LUM: variants seen among roughly 807,000 people sequenced by gnomAD.
LUM encodes the protein lumican, also known as KSPG lumican.
A neutral mutation model predicts 20.5 loss-of-function variants in LUM; 13 were observed. The observed-to-expected ratio is 0.63, with a 90% CI of 0.41 to 1.01. The LOEUF is 1.01. Among genes scored for constraint, LUM ranks in the 50% least tolerant of loss-of-function variants. The probability of loss-of-function intolerance (pLI) is 0.00; values close to 1 mark genes in which losing one functional copy is unlikely to be tolerated. For missense variants in LUM, 321 were observed against 391.1 expected (o/e 0.82, Z 1.51); for synonymous variants, 173 against 151.5 (o/e 1.14, Z -1.04).
chr12:91,104,690 A>G (rs1209681434), intron 2 of LUM, among the ~76,000 whole-genome samples: 1 of 152,184 alleles, frequency 6.6e-6, no homozygotes, highest in Non-Finnish European at 1.5e-5. Flanking sequence ...TGTATGAACA[A>G]TCTCAGTATA....
intron 2 of LUM, among the ~76,000 whole-genome samples, chr12:91,107,338 AAAGAAAGG>A (rs1880101254): frequency 1.4e-5 from 2 of 145,520 alleles, no homozygotes; most frequent in African/African-American, 2.5e-5. Context: ...AGAAAGAAAG[AAAGAAAGG>A]GAAAGAAAGG....
intron 2 of LUM, among the ~76,000 whole-genome samples, chr12:91,106,572 A>G (rs1328955884): frequency 6.6e-6 from 1 of 151,882 alleles, no homozygotes; most frequent in African/African-American, 2.4e-5. Context: ...ATCAGATCAA[A>G]CTTCATCCAG....
chr12:91,110,273 TA>T (rs1006368673), intron 1 of LUM, among the ~76,000 whole-genome samples: 1 of 152,192 alleles, frequency 6.6e-6, no homozygotes, highest in African/African-American at 2.4e-5. Flanking sequence ...TGGATCAAAG[TA>T]GTTTGGGATA....
At chr12:91,109,976 A>AT (rs1483213301) in intron 1 of LUM, among the ~76,000 whole-genome samples, 1 of 152,188 alleles carries the variant, frequency 6.6e-6, no homozygotes, top group Non-Finnish European at 1.5e-5. Flanking sequence ...TATCTAGTAA[A>AT]TTATTCAATT....
In LUM at chr12:91,104,120, A is replaced by G. The variant is rs1407206932; in HGVS notation, c.*45T>C. ...AAATATGGATACTATGAAAACTGAC[A>G]CACAGAAAAACATAACCATAAAATA... On this transcript the variant is annotated 3_prime_UTR_variant, in exon 3 of 3. Transcript: ENST00000266718. 1 of 1,503,886 alleles carries G rather than the reference A, an allele frequency of 6.6e-7. No homozygotes were observed. Among genetic ancestry groups the G allele is most frequent in the Admixed American group, 1.7e-5 (1 of 58,866 alleles). The allele number at this position is 1,503,886 out of a possible 1,614,324, so 93.2% of individuals were successfully genotyped here.
rs558114211 is a variant in LUM at position 91,104,293 on chromosome 12, T to C, written c.889A>G (p.Ile297Val). 1.2e-6 allele frequency: 2 copies of C among 1,612,328 alleles called. No homozygotes were observed. Among genetic ancestry groups the C allele is most frequent in the African/African-American group, 2.7e-5 (2 of 74,984 alleles). ...TTGGAGTAGGATAATGGCCCCAGGA[T>C]CTTGCAGAAGCTCTTTATGTCAAAC... ...EKFDIKSFCKILGPLSYSKIK... is the reference protein window; with the variant it reads ...EKFDIKSFCKVLGPLSYSKIK... Residue 297 changes from isoleucine (I) to valine (V), a missense_variant, in exon 3 of 3, where the codon ATC becomes GTC. Ile to Val is a conservative substitution (Grantham distance 29). Transcript: ENST00000266718.
chr12:91,107,634 G>C (rs1288495396), intron 2 of LUM, among the ~76,000 whole-genome samples: 4 of 152,066 alleles, frequency 2.6e-5, no homozygotes, highest in African/African-American at 9.7e-5. Context: ...TTCCTTATCT[G>C]GATACACCAA....
At position 91,103,405 on chromosome 12, in the gene LUM, A is replaced by C. The variant is rs1050375974; in HGVS notation, c.*760T>G. The C allele has an allele frequency of 8.5e-5, 13 of 152,094 alleles. No homozygotes were observed. The highest frequency in any genetic ancestry group is 1.6e-4 in the Non-Finnish European group (11 of 67,966). 9.4% of individuals were successfully genotyped at this position (152,094 alleles called of 1,614,324 possible). ...GAACTCTTTGTAAGTGAATGCTAGAAGTAGACAAATTATTTAGTGGAAAAT... is the reference window on the plus strand; with the variant it reads ...GAACTCTTTGTAAGTGAATGCTAGACGTAGACAAATTATTTAGTGGAAAAT... On this transcript the variant is annotated 3_prime_UTR_variant, in exon 3 of 3. Transcript: ENST00000266718.
At chr12:91,107,321 GAAAGAA>G (rs1880097851) in intron 2 of LUM, among the ~76,000 whole-genome samples, 1 of 118,010 alleles carries the variant, frequency 8.5e-6, no homozygotes, top group Non-Finnish European at 1.8e-5. Flanking sequence ...AAGAAAGAAA[GAAAGAA>G]AGAAAGAAAG....
At chr12:91,110,290 G>A (rs140250411) in intron 1 of LUM, among the ~76,000 whole-genome samples, 10 of 152,132 alleles carry the variant, frequency 6.6e-5, no homozygotes, top group Non-Finnish European at 1.0e-4. Flanking sequence ...GGATAAGCAG[G>A]ATCTTTGGGG....
chr12:91,105,162 A>C (rs1250399650), intron 2 of LUM, among the ~76,000 whole-genome samples: 1 of 152,078 alleles, frequency 6.6e-6, no homozygotes, highest in African/African-American at 2.4e-5. Context: ...AATTCCAGGG[A>C]TTTTTCTATG....
At chr12:91,107,046 T>A (rs1880050509) in intron 2 of LUM, among the ~76,000 whole-genome samples, 1 of 149,062 alleles carries the variant, frequency 6.7e-6, no homozygotes, top group South Asian at 2.1e-4. Context: ...GGTGGTGGCC[T>A]GAGGTGGGAG....
At chr12:91,107,495 T>C (rs963818745) in intron 2 of LUM, among the ~76,000 whole-genome samples, 5 of 151,992 alleles carry the variant, frequency 3.3e-5, no homozygotes, top group African/African-American at 1.2e-4. Context: ...AAAATAAATG[T>C]AGGACACAAA....
At chr12:91,105,035 G>A (rs1392227681) in intron 2 of LUM, among the ~76,000 whole-genome samples, 1 of 152,152 alleles carries the variant, frequency 6.6e-6, no homozygotes, top group African/African-American at 2.4e-5. Flanking sequence ...GTTTGCCTAT[G>A]TCTATTTTAG....
chr12:91,109,330 A>T (rs1880151929), intron 1 of LUM, among the ~76,000 whole-genome samples: 1 of 152,106 alleles, frequency 6.6e-6, no homozygotes, highest in Non-Finnish European at 1.5e-5. Context: ...TTCATTGACC[A>T]CCGAATTAGA....
chr12:91,108,864 G>C lies in LUM; in HGVS notation c.116C>G (p.Pro39Arg), dbSNP rs1254054921. 1 of 1,613,820 alleles carries C rather than the reference G, an allele frequency of 6.2e-7. No homozygotes were observed. The highest frequency in any genetic ancestry group is 8.5e-7 in the Non-Finnish European group (1 of 1,179,986). Residue 39 changes from proline (P) to arginine (R), a missense_variant, in exon 2 of 3, where the codon CCA becomes CGA. Coordinates refer to ENST00000266718, the MANE Select transcript of LUM (RefSeq NM_002345.4). This position sits in a 1 kb window ranked among gnomAD's most constrained non-coding sequence, Gnocchi z 4.2. ...GTAGCTTTCAGGGCAGTTACATTCT[G>C]GTGCACAGTTTGGTGATGATTGCCC... ...IYGQSSPNCA[P>R]ECNCPESYPS...
At chr12:91,107,238 GGAAAGA>G (rs1434720118) in intron 2 of LUM, among the ~76,000 whole-genome samples, 1 of 67,298 alleles carries the variant, frequency 1.5e-5, no homozygotes, top group African/African-American at 5.3e-5. Flanking sequence ...AAGAAAGAAA[GGAAAGA>G]AAGAAAGAAA....
At position 91,103,314 on chromosome 12, in the gene LUM, A is replaced by G. The variant is rs1879950577; in HGVS notation, c.*851T>C. The G allele has an allele frequency of 6.6e-6, 1 of 152,070 alleles. No homozygotes were observed. Among genetic ancestry groups the G allele is most frequent in the African/African-American group, 2.4e-5 (1 of 41,442 alleles). The allele number at this position is 152,070 out of a possible 1,614,324, so 9.4% of individuals were successfully genotyped here. The stretch of plus-strand genomic sequence containing the variant: ...TATATGAACCAGTAAAAACACCAGG[A>G]ATGGGAATAATGACAAATATCTAAG... On this transcript the variant is annotated 3_prime_UTR_variant, in exon 3 of 3. Coordinates refer to ENST00000266718, the MANE Select transcript of LUM (RefSeq NM_002345.4).
chr12:91,107,283 GAAAGAGAAAGAAAGAA>G (rs1193384196), intron 2 of LUM, among the ~76,000 whole-genome samples: 989 of 85,346 alleles, frequency 0.012, 4 homozygotes, highest in Middle Eastern at 0.02. Context: ...AAGAAAGAAA[GAAAGAGAAAGAAAGAA>G]AGAAAGAAAG....
Sources: allele counts gnomAD v4.1 joint callset (sites outside exome capture counted in the v4.1 genomes callset), GRCh38; gene constraint gnomAD v4.1.1; non-coding constraint Gnocchi (gnomAD v3.1); transcripts MANE v1.5; gene names NCBI Gene and HGNC (gene_info 2026-07-23, HGNC 2026-07-21).